Variants in WNT2 observed in about 807,000 individuals in gnomAD.
WNT2 encodes protein Wnt-2.
WNT2 carries 12 observed loss-of-function variants against 36.9 expected under a neutral mutation model. That is an observed-to-expected ratio of 0.33 (90% confidence interval 0.21 to 0.53). The LOEUF (loss-of-function observed/expected upper bound fraction) is 0.53. Ranked by LOEUF, WNT2 falls within the 20% of genes least tolerant of loss-of-function variation. The pLI is 0.95. For missense variants in WNT2, 379 were observed against 473.1 expected (o/e 0.80, Z 1.84); for synonymous variants, 163 against 174.6 (o/e 0.93, Z 0.52).
chr7:117,307,669 A>G (rs2116374362), intron 3 of WNT2, among the ~76,000 whole-genome samples: 1 of 152,350 alleles, frequency 6.6e-6, no homozygotes, highest in South Asian at 2.1e-4. Context: ...GACTGAGCCC[A>G]AGCAGCCCTT....
At chr7:117,308,137 T>C (rs1256999253) in intron 3 of WNT2, among the ~76,000 whole-genome samples, 1 of 152,230 alleles carries the variant, frequency 6.6e-6, no homozygotes, top group African/African-American at 2.4e-5. Flanking sequence ...TTACTGAAAA[T>C]TGGGCCAACT....
chr7:117,286,162 A>G (rs1292862783), intron 4 of WNT2, among the ~76,000 whole-genome samples: 1 of 152,218 alleles, frequency 6.6e-6, no homozygotes, highest in Non-Finnish European at 1.5e-5. Flanking sequence ...TCTAAATCAC[A>G]TAAGTTTGGG....
chr7:117,278,435 T>C lies in WNT2; in HGVS notation c.854-51A>G, dbSNP rs376707957. The C allele has an allele frequency of 6.4e-4, 988 of 1,545,426 alleles. 13 individuals are homozygous for C. The highest frequency in any genetic ancestry group is 1.8e-4 in the Middle Eastern group (1 of 5,696). On this transcript the variant is annotated intron_variant, in intron 4 of 4. Transcript: ENST00000265441. ...CTGAAAAGGTCTGGGTGGAATCCAATATGCCTCCAGAGGAGGAGTCACGAG... is the reference window on the plus strand; with the variant it reads ...CTGAAAAGGTCTGGGTGGAATCCAACATGCCTCCAGAGGAGGAGTCACGAG...
chr7:117,322,784 G>C lies in WNT2; in HGVS notation c.83+123C>G. On this transcript the variant is annotated intron_variant, in intron 1 of 4. Transcript: ENST00000265441. The surrounding 1 kb of genome is among the most constrained non-coding windows in gnomAD (Gnocchi z 5.4). ...GGGGCGATAAGAGGGCAGTAGCCAGGGTTCGGGCCAGAATCCGAGACTGCT... is the reference window on the plus strand; with the variant it reads ...GGGGCGATAAGAGGGCAGTAGCCAGCGTTCGGGCCAGAATCCGAGACTGCT... 1 of 920,768 alleles carries C rather than the reference G, an allele frequency of 1.1e-6. No homozygotes were observed. The highest frequency in any genetic ancestry group is 1.7e-6 in the Non-Finnish European group (1 of 578,072). The allele number at this position is 920,768 out of a possible 1,614,324, so 57.0% of individuals were successfully genotyped here.
chr7:117,319,524 G>T (rs39313), intron 2 of WNT2, among the ~76,000 whole-genome samples: 1 of 71,914 alleles, frequency 1.4e-5, no homozygotes, highest in African/African-American at 5.2e-5. Context: ...TTAGGAATTG[G>T]GGGGGGGGGT....
At chr7:117,302,201 C>T (rs549175349) in intron 3 of WNT2, among the ~76,000 whole-genome samples, 2 of 152,248 alleles carry the variant, frequency 1.3e-5, no homozygotes, top group South Asian at 4.1e-4. Flanking sequence ...TGGGGGATTA[C>T]ATTACATCTT....
At chr7:117,291,206 T>C (rs535332344) in intron 4 of WNT2, among the ~76,000 whole-genome samples, 2 of 152,328 alleles carry the variant, frequency 1.3e-5, no homozygotes, top group South Asian at 4.1e-4. Flanking sequence ...ATTCACAGCC[T>C]GGAGTTGTCA....
Position 117,315,170 on chromosome 7 carries a change from A to C in WNT2, c.489T>G (p.Tyr163Ter). ...CAAATGCGCGGGCAAATTTGATCCCATAGTCAATGTTATCACTGCAGCCAC... is the reference window on the plus strand; with the variant it reads ...CAAATGCGCGGGCAAATTTGATCCCCTAGTCAATGTTATCACTGCAGCCAC... Reference protein sequence around the residue: ...DWGGCSDNIDYGIKFARAFVD... With the variant: ...DWGGCSDNID Residue 163 changes from tyrosine to a stop codon, truncating the protein, a stop_gained, in exon 3 of 5, where the codon TAT (tyrosine) becomes TAG (stop). Coordinates refer to ENST00000265441, the MANE Select transcript of WNT2 (RefSeq NM_003391.3). LOFTEE classifies it high-confidence loss of function. 6.2e-7 allele frequency: 1 copy of C among 1,614,132 alleles called. No individual in the cohort carries two copies. Among genetic ancestry groups the C allele is most frequent in the Non-Finnish European group, 8.5e-7 (1 of 1,180,012 alleles).
chr7:117,309,252 T>A (rs2116376937), intron 3 of WNT2, among the ~76,000 whole-genome samples: 1 of 152,314 alleles, frequency 6.6e-6, no homozygotes, highest in East Asian at 1.9e-4. Context: ...TTTACTTACA[T>A]GTAGTACAAC....
chr7:117,278,181 T>C lies in WNT2; in HGVS notation c.1057A>G (p.Asn353Asp), dbSNP rs111269299. ...CATGTAGCGGTTGTCCAGTCAGCGT[T>C]CTTGGGGGCCTTGCATGTGTGCACA... ...LDVHTCKAPK[N>D]ADWTTAT Residue 353 changes from asparagine to aspartate, a missense_variant, in exon 5 of 5, where the codon AAC (asparagine) becomes GAC (aspartate). Asn to Asp is a conservative substitution (Grantham distance 23). Transcript: ENST00000265441. 6.0e-3 allele frequency: 9,756 copies of C among 1,614,204 alleles called. 40 individuals carry two copies. The highest frequency in any genetic ancestry group is 7.2e-3 in the Non-Finnish European group (8,546 of 1,180,030).
At chr7:117,320,384 AC>A in intron 2 of WNT2, 182 bp downstream of exon 2, 1 of 624,752 alleles carries the variant, frequency 1.6e-6, no homozygotes, top group Non-Finnish European at 2.8e-6. Flanking sequence ...CCTCTTACAA[AC>A]CTCTAGACAT....
chr7:117,299,707 G>C (rs1329229758), intron 3 of WNT2, among the ~76,000 whole-genome samples: 1 of 152,130 alleles, frequency 6.6e-6, no homozygotes, highest in East Asian at 1.9e-4. Context: ...TGTTGCTGAG[G>C]CTGGTCCCTA....
rs189946222 is a variant in WNT2 at position 117,322,012 on chromosome 7, G to A, written c.83+895C>T. The A allele has an allele frequency of 1.3e-5, 2 of 152,212 alleles. No individual in the cohort carries two copies. Among genetic ancestry groups the A allele is most frequent in the East Asian group, 3.9e-4 (2 of 5,178 alleles). 9.4% of individuals were successfully genotyped at this position (152,212 alleles called of 1,614,324 possible). On this transcript the variant is annotated intron_variant, in intron 1 of 4. Transcript: ENST00000265441. The surrounding 1 kb of genome is among the most constrained non-coding windows in gnomAD (Gnocchi z 5.4). ...TCTTTAAAAATTAGCCCACGATAACGGGTGTCTCTGAATCAATATTTTAAT... is the reference window on the plus strand; with the variant it reads ...TCTTTAAAAATTAGCCCACGATAACAGGTGTCTCTGAATCAATATTTTAAT...
intron 4 of WNT2, among the ~76,000 whole-genome samples, chr7:117,283,419 C>T (rs1050274267): frequency 6.6e-6 from 1 of 152,194 alleles, no homozygotes; most frequent in African/African-American, 2.4e-5. Context: ...CTTTATCTGC[C>T]GTAGGGCTTT....
Position 117,315,176 on chromosome 7 carries a change from A to G in WNT2, c.483T>C (p.Ile161=). The G allele has an allele frequency of 6.2e-7, 1 of 1,614,106 alleles. No individual in the cohort carries two copies. The highest frequency in any genetic ancestry group is 1.3e-5 in the African/African-American group (1 of 75,034). ...IFDWGGCSDN[I]DYGIKFARAF... ...CGCGGGCAAATTTGATCCCATAGTC[A>G]ATGTTATCACTGCAGCCACCCCAAT... is the stretch of plus-strand genomic sequence containing the variant. The change falls in exon 3 of 5, where the codon ATT becomes ATC. Residue 161 remains isoleucine, a synonymous_variant. Transcript: ENST00000265441.
intron 4 of WNT2, among the ~76,000 whole-genome samples, chr7:117,283,398 G>A (rs1794522561): frequency 1.3e-5 from 2 of 152,242 alleles, no homozygotes; most frequent in Non-Finnish European, 2.9e-5. Context: ...ACCGTACCAT[G>A]CATTAGAATT....
intron 3 of WNT2, among the ~76,000 whole-genome samples, chr7:117,306,967 G>A (rs774071560): frequency 1.3e-5 from 2 of 151,826 alleles, no homozygotes; most frequent in Non-Finnish European, 2.9e-5. Flanking sequence ...TTTTTTATGT[G>A]GCCCTTCATT....
intron 4 of WNT2, among the ~76,000 whole-genome samples, chr7:117,296,356 A>G (rs1794790221): frequency 6.6e-6 from 1 of 152,184 alleles, no homozygotes; most frequent in African/African-American, 2.4e-5. Context: ...CATGAAGGCA[A>G]TTCAACCACT....
intron 2 of WNT2, among the ~76,000 whole-genome samples, chr7:117,317,526 T>C (rs1437246428): frequency 6.6e-6 from 1 of 152,222 alleles, no homozygotes; most frequent in Non-Finnish European, 1.5e-5. Context: ...CCTAAAATGT[T>C]TTCAGTTACG....
Sources: allele counts gnomAD v4.1 joint callset (sites outside exome capture counted in the v4.1 genomes callset), GRCh38; gene constraint gnomAD v4.1.1; non-coding constraint Gnocchi (gnomAD v3.1); transcripts MANE v1.5; gene names NCBI Gene and HGNC (gene_info 2026-07-23, HGNC 2026-07-21).